The following KHDRBS3 variants were observed in gnomAD, a reference collection of about 807,000 sequenced individuals.
The protein encoded by KHDRBS3 is KH domain-containing, RNA-binding, signal transduction-associated protein 3.
In KHDRBS3, 23 loss-of-function variants were observed where a neutral mutation model predicts 45.6. The observed-to-expected ratio is 0.50, with a 90% confidence interval of 0.36 to 0.72. The LOEUF (loss-of-function observed/expected upper bound fraction) is 0.72, where lower values mean the gene tolerates loss of function less well. KHDRBS3 is among the 30% of genes least tolerant of loss of function. The pLI is 0.00. For missense variants in KHDRBS3, 352 were observed against 424.8 expected, an observed-to-expected ratio of 0.83 and a Z score of 1.51; for synonymous variants, 162 against 156.5, an observed-to-expected ratio of 1.04 and a Z score of -0.26.
intron 7 of KHDRBS3, among the ~76,000 whole-genome samples, chr8:135,620,682 T>C (rs966159155): frequency 6.6e-6 from 1 of 152,322 alleles, no homozygotes; most frequent in South Asian, 2.1e-4. Flanking sequence ...ATTTTAGTCT[T>C]TGCCAGATTG....
chr8:135,489,219 A>C (rs1445137788), intron 1 of KHDRBS3, among the ~76,000 whole-genome samples: 1 of 152,086 alleles, frequency 6.6e-6, no homozygotes, highest in Non-Finnish European at 1.5e-5. Flanking sequence ...CTAGACTCTA[A>C]ACCCCAAGAG....
intron 4 of KHDRBS3, chr8:135,549,516 A>T (rs1487431652): frequency 6.6e-6 from 1 of 152,224 alleles, no homozygotes; most frequent in African/African-American, 2.4e-5. Context: ...ATTGCTAAGG[A>T]TGTGACAATT....
intron 7 of KHDRBS3, among the ~76,000 whole-genome samples, chr8:135,621,443 C>G (rs1830135052): frequency 6.6e-6 from 1 of 152,112 alleles, no homozygotes; most frequent in Non-Finnish European, 1.5e-5. Context: ...CTTCAGTGAG[C>G]CAAATTGTTC....
intron 1 of KHDRBS3, among the ~76,000 whole-genome samples, chr8:135,486,992 G>C (rs961575390): frequency 3.3e-5 from 5 of 152,048 alleles, no homozygotes; most frequent in South Asian, 4.1e-4. Flanking sequence ...CAGGTATTTT[G>C]ACCATAAACC....
At chr8:135,473,280 T>C (rs1020048320) in intron 1 of KHDRBS3, among the ~76,000 whole-genome samples, 1 of 152,154 alleles carries the variant, frequency 6.6e-6, no homozygotes, top group South Asian at 2.1e-4. Flanking sequence ...CCAAATTGAC[T>C]TGGACTTGGT....
intron 3 of KHDRBS3, among the ~76,000 whole-genome samples, chr8:135,543,957 G>T (rs1425877901): frequency 6.6e-6 from 1 of 152,128 alleles, no homozygotes; most frequent in Non-Finnish European, 1.5e-5. Flanking sequence ...TGATTCCAGT[G>T]CATGGCCTGG....
chr8:135,635,347 G>A (rs1032748101), intron 7 of KHDRBS3, among the ~76,000 whole-genome samples: 3 of 152,118 alleles, frequency 2.0e-5, no homozygotes, highest in Non-Finnish European at 2.9e-5. Flanking sequence ...TCTTTGATAC[G>A]ACATCAAAAC....
chr8:135,646,112 T>C lies in KHDRBS3; in HGVS notation c.950-881T>C, dbSNP rs542048677. Among the ~76,000 whole-genome samples the C allele has an allele frequency of 9.3e-5, 14 of 151,146 alleles. No individual in the cohort carries two copies. In the East Asian group the frequency reaches 2.7e-3, roughly 29 times the overall value. On this transcript the variant is annotated intron_variant, in intron 8 of 8. Transcript: ENST00000355849. ...TGCAAGTTAGCTTGAGGGAGTGACG[T>C]TGATTGCATGTTTTGTATCAAAAGA...
At chr8:135,598,531 T>C (rs1345457846) in intron 6 of KHDRBS3, among the ~76,000 whole-genome samples, 1 of 152,204 alleles carries the variant, frequency 6.6e-6, no homozygotes, top group Admixed American at 6.5e-5. Flanking sequence ...AGTCACATAA[T>C]ATTTTCCTCA....
intron 7 of KHDRBS3, among the ~76,000 whole-genome samples, chr8:135,621,182 A>G (rs1448709930): frequency 2.0e-5 from 3 of 152,110 alleles, no homozygotes; most frequent in African/African-American, 7.2e-5. Flanking sequence ...GTTATTTTTT[A>G]ATCTGAGTCT....
At chr8:135,539,803 G>C (rs555746414) in intron 2 of KHDRBS3, 1 of 152,288 alleles carries the variant, frequency 6.6e-6, no homozygotes, top group East Asian at 1.9e-4. Flanking sequence ...AGTGTTTCTG[G>C]TTGTCACAGT....
At position 135,542,635 on chromosome 8, in the gene KHDRBS3, G is replaced by C. The variant is rs762415081; in HGVS notation, c.208-19G>C. On this transcript the variant is annotated intron_variant, in intron 2 of 8. Transcript: ENST00000355849. ...TTTCACATATAAATGCTACAAATTT[G>C]GTTGTTTATTTTTCCTAGTTCAACT... The C allele has an allele frequency of 1.6e-5, 23 of 1,481,120 alleles. No individual in the cohort carries two copies. Among genetic ancestry groups the C allele is most frequent in the Non-Finnish European group, 2.0e-5 (21 of 1,059,932 alleles). 91.7% of individuals were successfully genotyped at this position (1,481,120 alleles called of 1,614,324 possible).
intron 7 of KHDRBS3, among the ~76,000 whole-genome samples, chr8:135,620,791 A>G (rs1478896783): frequency 6.6e-6 from 1 of 152,038 alleles, no homozygotes; most frequent in Non-Finnish European, 1.5e-5. Context: ...CATGTCCTAT[A>G]AGTACTAAGG....
chr8:135,575,238 C>T (rs1827896984), intron 5 of KHDRBS3, among the ~76,000 whole-genome samples: 1 of 152,130 alleles, frequency 6.6e-6, no homozygotes. Context: ...CTGCGAATAC[C>T]AAATATGCAC....
chr8:135,511,588 C>T (rs965014756), intron 1 of KHDRBS3, among the ~76,000 whole-genome samples: 3 of 152,092 alleles, frequency 2.0e-5, no homozygotes, highest in Non-Finnish European at 1.5e-5. Flanking sequence ...CAGTGTCTAG[C>T]TCTGTCACCC....
chr8:135,463,776 C>T (rs1214281271), intron 1 of KHDRBS3, among the ~76,000 whole-genome samples: 1 of 152,188 alleles, frequency 6.6e-6, no homozygotes, highest in East Asian at 1.9e-4. Context: ...CCAACAGCAA[C>T]TTTGATATCA....
At chr8:135,523,673 T>C (rs1825031017) in intron 2 of KHDRBS3, among the ~76,000 whole-genome samples, 1 of 152,200 alleles carries the variant, frequency 6.6e-6, no homozygotes, top group Admixed American at 6.5e-5. Context: ...TATTCCTGTT[T>C]CTAATCAAGG....
At chr8:135,585,256 G>A (rs943447743) in intron 6 of KHDRBS3, among the ~76,000 whole-genome samples, 14 of 147,920 alleles carry the variant, frequency 9.5e-5, no homozygotes, top group African/African-American at 1.7e-4. Flanking sequence ...AAGAAAAATC[G>A]TTTCTTTGTT....
chr8:135,462,790 T>C (rs1453120955), intron 1 of KHDRBS3, among the ~76,000 whole-genome samples: 1 of 152,182 alleles, frequency 6.6e-6, no homozygotes, highest in Non-Finnish European at 1.5e-5. Flanking sequence ...TTTGTTCTTT[T>C]ACAGGTCCAT....
Sources: gnomAD v4.1 joint callset for allele counts (sites outside exome capture counted in the v4.1 genomes callset) on GRCh38, gnomAD v4.1.1 for gene constraint, MANE v1.5 for transcripts, NCBI Gene and HGNC (gene_info 2026-07-23, HGNC 2026-07-21) for gene names.